The following PPARGC1A variants were observed in gnomAD, a reference collection of about 807,000 sequenced individuals.
PPARGC1A encodes the protein PPARG coactivator 1 alpha, also known as peroxisome proliferator-activated receptor gamma coactivator 1-alpha.
Under a neutral mutation model 88.7 loss-of-function variants are expected in PPARGC1A, and 25 were observed. The ratio of observed to expected loss-of-function variants is 0.28; its 90% CI spans 0.21 to 0.39. The LOEUF is 0.39. Among genes scored for constraint, PPARGC1A ranks in the 10% least tolerant of loss-of-function variants. PPARGC1A has a pLI of 1.00. For synonymous variants in PPARGC1A, 363 were observed against 355.6 expected (o/e 1.02, Z -0.24); for missense variants, 880 against 968.7 (o/e 0.91, Z 1.22).
chr4:23,941,590 G>T, the PPARGC1A span, among the ~76,000 whole-genome samples: 1 of 152,092 alleles, frequency 6.6e-6, no homozygotes, highest in African/African-American at 2.4e-5. Context: ...ACACTCATTT[G>T]GGAAAAGAGA....
At chr4:24,276,724 G>A in the PPARGC1A span, among the ~76,000 whole-genome samples, 1 of 152,170 alleles carries the variant, frequency 6.6e-6, no homozygotes, top group African/African-American at 2.4e-5. Context: ...ATATACCTAA[G>A]AGAAGAAATA....
At chr4:23,934,777 C>T in the PPARGC1A span, among the ~76,000 whole-genome samples, 1 of 152,132 alleles carries the variant, frequency 6.6e-6, no homozygotes, top group Non-Finnish European at 1.5e-5. Flanking sequence ...GAAACTGAGG[C>T]TCATCTAGGT....
chr4:24,442,761 A>G, the PPARGC1A span, among the ~76,000 whole-genome samples: 4 of 152,162 alleles, frequency 2.6e-5, no homozygotes, highest in African/African-American at 9.7e-5. Context: ...TATGTTAGAG[A>G]TGGTATGCTA....
At chr4:23,977,597 G>A in the PPARGC1A span, among the ~76,000 whole-genome samples, 1 of 152,120 alleles carries the variant, frequency 6.6e-6, no homozygotes, top group African/African-American at 2.4e-5. Flanking sequence ...ACTAGGAGAT[G>A]GATTGATAGG....
chr4:24,165,130 C>T, the PPARGC1A span, among the ~76,000 whole-genome samples: 1 of 151,932 alleles, frequency 6.6e-6, no homozygotes, highest in South Asian at 2.1e-4. Flanking sequence ...AATATTAGGA[C>T]CCTTTTTCCA....
the PPARGC1A span, among the ~76,000 whole-genome samples, chr4:24,231,247 G>T: frequency 6.6e-6 from 1 of 152,190 alleles, no homozygotes; most frequent in African/African-American, 2.4e-5. Flanking sequence ...TATGGACTAT[G>T]CTGCTAAAAT....
At chr4:23,860,450 G>T (rs976112253) in intron 2 of PPARGC1A, among the ~76,000 whole-genome samples, 1 of 152,090 alleles carries the variant, frequency 6.6e-6, no homozygotes, top group African/African-American at 2.4e-5. Flanking sequence ...TCTGAGAGTA[G>T]ATTTTAGGTG....
intron 6 of PPARGC1A, 22 bp from the exon 7 acceptor site, chr4:23,824,375 T>C (rs1187765160): frequency 3.7e-6 from 6 of 1,612,126 alleles, no homozygotes; most frequent in Non-Finnish European, 5.1e-6. Context: ...GGCACATTTA[T>C]AAAAACAAAC....
the PPARGC1A span, among the ~76,000 whole-genome samples, chr4:24,248,823 CAT>C: frequency 2.6e-5 from 4 of 152,150 alleles, no homozygotes; most frequent in African/African-American, 4.8e-5. Flanking sequence ...GGGGTTATAA[CAT>C]GTGCAGGATC....
intron 2 of PPARGC1A, among the ~76,000 whole-genome samples, chr4:23,852,865 T>G (rs979239057): frequency 6.6e-6 from 1 of 152,184 alleles, no homozygotes; most frequent in African/African-American, 2.4e-5. Flanking sequence ...TATGCATGTG[T>G]GCGTGTTTGC....
At chr4:23,923,116 G>GTTTTGTTTTTTTTTTT in the PPARGC1A span, among the ~76,000 whole-genome samples, 1 of 131,688 alleles carries the variant, frequency 7.6e-6, no homozygotes. Flanking sequence ...TTTGTTGCTT[G>GTTTTGTTTTTTTTTTT]TTTTTTTTTT....
At chr4:24,326,161 A>T in the PPARGC1A span, among the ~76,000 whole-genome samples, 1 of 152,022 alleles carries the variant, frequency 6.6e-6, no homozygotes, top group Non-Finnish European at 1.5e-5. Context: ...TTACCATCTC[A>T]TTAAAACCTA....
At chr4:24,005,347 C>A in the PPARGC1A span, among the ~76,000 whole-genome samples, 1 of 152,020 alleles carries the variant, frequency 6.6e-6, no homozygotes, top group African/African-American at 2.4e-5. Context: ...TCTATTGTCC[C>A]GGGCATGGTT....
At chr4:23,940,782 G>A in the PPARGC1A span, among the ~76,000 whole-genome samples, 1 of 152,142 alleles carries the variant, frequency 6.6e-6, no homozygotes, top group African/African-American at 2.4e-5. Context: ...AAGAGTCAGT[G>A]TGTAGGATGC....
At chr4:24,114,215 G>A in the PPARGC1A span, among the ~76,000 whole-genome samples, 1 of 151,452 alleles carries the variant, frequency 6.6e-6, no homozygotes, top group Non-Finnish European at 1.5e-5. Context: ...GGACCACCTA[G>A]CTCCTGTTAA....
chr4:24,472,660 G>GGCT, the PPARGC1A span, among the ~76,000 whole-genome samples: 2,604 of 151,926 alleles, frequency 0.017, 26 homozygotes, highest in Middle Eastern at 0.058. The surrounding 1 kb of genome is among the most constrained non-coding windows in gnomAD (Gnocchi z 4.5). Context: ...GGGATGCTCG[G>GGCT]GCTGCCGCCG....
chr4:23,877,239 G>A (rs1346010727), intron 2 of PPARGC1A, among the ~76,000 whole-genome samples: 1 of 151,788 alleles, frequency 6.6e-6, no homozygotes, highest in Non-Finnish European at 1.5e-5. Flanking sequence ...AAAGGAGGCC[G>A]GGTGCAGTGG....
chr4:24,261,944 T>G, the PPARGC1A span, among the ~76,000 whole-genome samples: 1 of 152,214 alleles, frequency 6.6e-6, no homozygotes, highest in Non-Finnish European at 1.5e-5. Context: ...AAGCCTGTTT[T>G]GACAAAGATT....
chr4:24,218,944 T>G, the PPARGC1A span, among the ~76,000 whole-genome samples: 1 of 152,252 alleles, frequency 6.6e-6, no homozygotes, highest in Non-Finnish European at 1.5e-5. Flanking sequence ...CTGCTTTGCC[T>G]GAGATGCACA....
Sources: gnomAD v4.1 joint callset for allele counts (sites outside exome capture counted in the v4.1 genomes callset) on GRCh38, gnomAD v4.1.1 for gene constraint, Gnocchi (gnomAD v3.1) non-coding constraint, MANE v1.5 for transcripts, NCBI Gene and HGNC (gene_info 2026-07-23, HGNC 2026-07-21) for gene names.